The following PCDH9 variants were observed in gnomAD, a reference collection of about 807,000 sequenced individuals.
PCDH9 encodes protocadherin 9, also known as protocadherin-9.
Under a neutral mutation model 70.6 loss-of-function variants are expected in PCDH9, and 24 were observed. That is an observed-to-expected ratio of 0.34 (90% CI 0.25 to 0.48). The LOEUF is 0.48. Ranked by LOEUF, PCDH9 falls within the 20% of genes least tolerant of loss-of-function variation. The pLI is 0.99. For missense variants in PCDH9, 1,281 were observed against 1,503.6 expected, an observed-to-expected ratio of 0.85 and a Z score of 2.45; for synonymous variants, 562 against 558.5, an observed-to-expected ratio of 1.01 and a Z score of -0.09.
At chr13:67,171,292 A>G (rs1450264502) in intron 2 of PCDH9, among the ~76,000 whole-genome samples, 6 of 152,208 alleles carry the variant, frequency 3.9e-5, no homozygotes, top group Admixed American at 3.3e-4. Context: ...ATAAATATAT[A>G]TGAGTCGGGG....
chr13:67,140,197 C>G (rs1445969551), intron 2 of PCDH9, among the ~76,000 whole-genome samples: 1 of 152,020 alleles, frequency 6.6e-6, no homozygotes, highest in Non-Finnish European at 1.5e-5. Flanking sequence ...TCCTGGGGTC[C>G]AGCATTTAGT....
chr13:66,572,995 G>A (rs1593704239), intron 4 of PCDH9, among the ~76,000 whole-genome samples: 1 of 151,990 alleles, frequency 6.6e-6, no homozygotes, highest in East Asian at 1.9e-4. Context: ...TTTTAGTTTT[G>A]TGAGAAACCC....
chr13:66,632,501 T>C (rs1267264477), intron 3 of PCDH9, among the ~76,000 whole-genome samples: 1 of 152,258 alleles, frequency 6.6e-6, no homozygotes, highest in Non-Finnish European at 1.5e-5. Flanking sequence ...AATATCACTT[T>C]GGTATCTATG....
Position 67,084,997 on chromosome 13 carries a change from A to AATATATATATATATAT in PCDH9, c.3036+140392_3036+140407dup. Among the ~76,000 whole-genome samples the AATATATATATATATAT allele has an allele frequency of 9.7e-3, 321 of 33,152 alleles. 1 individual carries two copies. The highest frequency in any genetic ancestry group is 0.029 in the Middle Eastern group (1 of 34). 21.7% of individuals were successfully genotyped at this position (33,152 alleles called of 152,430 possible). A position where few individuals can be genotyped will look rare whatever the true frequency, so the allele number is the denominator to read the frequency against. Reference sequence around the variant, plus strand: ...AAAAAAAAAAAAAAAAAAAAAAAAAAATATATATATATATATATATATATA... The same window carrying AATATATATATATATAT: ...AAAAAAAAAAAAAAAAAAAAAAAAAAATATATATATATATATATATATATATATATATATATATATA... On this transcript the variant is annotated intron_variant, in intron 2 of 4. Transcript: ENST00000377865.
intron 4 of PCDH9, among the ~76,000 whole-genome samples, chr13:66,348,457 G>A (rs1956244646): frequency 6.6e-6 from 1 of 151,524 alleles, no homozygotes. Flanking sequence ...GAGTGCAGTG[G>A]AGCGATCTCA....
intron 4 of PCDH9, among the ~76,000 whole-genome samples, chr13:66,557,887 C>T (rs1160925962): frequency 2.6e-5 from 4 of 152,192 alleles, no homozygotes; most frequent in African/African-American, 7.2e-5. Flanking sequence ...AACAGTGGCT[C>T]ATGCCTGTAA....
intron 2 of PCDH9, among the ~76,000 whole-genome samples, chr13:67,044,123 G>A (rs2085176581): frequency 6.6e-6 from 1 of 152,088 alleles, no homozygotes; most frequent in Non-Finnish European, 1.5e-5. Flanking sequence ...GGTTCTTACT[G>A]AGAATAAGGA....
chr13:66,727,363 T>G (rs2079019039), intron 3 of PCDH9, among the ~76,000 whole-genome samples: 1 of 152,196 alleles, frequency 6.6e-6, no homozygotes, highest in South Asian at 2.1e-4. Context: ...GGAGAGTTCA[T>G]GTTTTTAATT....
chr13:66,831,237 T>C (rs1426208383), intron 3 of PCDH9, among the ~76,000 whole-genome samples: 2 of 152,220 alleles, frequency 1.3e-5, no homozygotes, highest in Non-Finnish European at 2.9e-5. Context: ...TTCTATTGGC[T>C]TGTGTGCAGC....
intron 3 of PCDH9, among the ~76,000 whole-genome samples, chr13:66,824,403 C>G (rs994949280): frequency 6.8e-6 from 1 of 147,384 alleles, no homozygotes; most frequent in Non-Finnish European, 1.5e-5. Flanking sequence ...TGCCTGTAAT[C>G]CCAGCACTTT....
intron 3 of PCDH9, among the ~76,000 whole-genome samples, chr13:66,833,912 C>T (rs1001319538): frequency 6.6e-6 from 1 of 152,026 alleles, no homozygotes; most frequent in Non-Finnish European, 1.5e-5. Context: ...TGTCTATGAC[C>T]TGTGCTGGTT....
intron 3 of PCDH9, among the ~76,000 whole-genome samples, chr13:66,744,176 TC>T (rs981760862): frequency 6.6e-6 from 1 of 152,192 alleles, no homozygotes; most frequent in Admixed American, 6.5e-5. Context: ...TATAAACCCT[TC>T]TTTAAACGAT....
intron 3 of PCDH9, among the ~76,000 whole-genome samples, chr13:66,774,101 C>T (rs762644247): frequency 6.6e-6 from 1 of 152,130 alleles, no homozygotes; most frequent in Non-Finnish European, 1.5e-5. Context: ...TTTACACTAA[C>T]ATTTGCATTG....
chr13:66,829,717 C>CAAAAAAAAAA (rs562176354), intron 3 of PCDH9, among the ~76,000 whole-genome samples: 3,473 of 53,070 alleles, frequency 0.065, 962 homozygotes, highest in South Asian at 0.13. Flanking sequence ...GACTCCGTCT[C>CAAAAAAAAAA]AAAAAAAAAA....
intron 4 of PCDH9, among the ~76,000 whole-genome samples, chr13:66,584,086 A>G (rs2138791105): frequency 6.6e-6 from 1 of 152,300 alleles, no homozygotes; most frequent in Admixed American, 6.5e-5. Context: ...CCAGTCAGGT[A>G]GTATGTTGTG....
chr13:66,724,498 GAA>G (rs1216887588), intron 3 of PCDH9, among the ~76,000 whole-genome samples: 1 of 152,074 alleles, frequency 6.6e-6, no homozygotes, highest in African/African-American at 2.4e-5. Flanking sequence ...TATTGCAAGA[GAA>G]TGAAGGTGCA....
chr13:66,824,924 C>T (rs2080791816), intron 3 of PCDH9, among the ~76,000 whole-genome samples: 3 of 151,536 alleles, frequency 2.0e-5, no homozygotes, highest in Admixed American at 6.6e-5. Context: ...GTTTTCGTGT[C>T]CCAGTGCCAG....
intron 4 of PCDH9, among the ~76,000 whole-genome samples, chr13:66,340,727 T>G (rs1374506611): frequency 6.6e-6 from 1 of 152,206 alleles, no homozygotes; most frequent in Non-Finnish European, 1.5e-5. Context: ...GATTCTCCAT[T>G]ATACAAAGAG....
intron 3 of PCDH9, among the ~76,000 whole-genome samples, chr13:66,894,987 T>C (rs1206568563): frequency 2.6e-5 from 4 of 151,990 alleles, no homozygotes; most frequent in African/African-American, 4.8e-5. Context: ...TTTCTATTTT[T>C]AGTAGAGACA....
Sources: allele counts gnomAD v4.1 joint callset (sites outside exome capture counted in the v4.1 genomes callset), GRCh38; gene constraint gnomAD v4.1.1; transcripts MANE v1.5; gene names NCBI Gene and HGNC (gene_info 2026-07-23, HGNC 2026-07-21).